The following SLC36A2 variants were observed in gnomAD, a reference collection of about 807,000 sequenced individuals.
SLC36A2 encodes the protein proton-coupled amino acid transporter 2.
SLC36A2 carries 39 observed loss-of-function variants against 42.7 expected under a neutral mutation model. The ratio of observed to expected loss-of-function variants is 0.91; its 90% CI spans 0.71 to 1.19. The LOEUF (loss-of-function observed/expected upper bound fraction) is 1.19. SLC36A2 is among the 50% of genes most tolerant of loss of function. The pLI is 0.00. For synonymous variants in SLC36A2, 237 were observed against 240.8 expected, an observed-to-expected ratio of 0.98 and a Z score of 0.15; for missense variants, 590 against 613.7, an observed-to-expected ratio of 0.96 and a Z score of 0.41.
chr5:151,316,676 G>A lies in SLC36A2; in HGVS notation c.*141C>T. 9.1e-7 allele frequency: 1 copy of A among 1,092,980 alleles called. No homozygotes were observed. Among genetic ancestry groups the A allele is most frequent in the South Asian group, 1.6e-5 (1 of 62,834 alleles). The allele number at this position is 1,092,980 out of a possible 1,614,324, so 67.7% of individuals were successfully genotyped here. On this transcript the variant is annotated 3_prime_UTR_variant, in exon 10 of 10. Coordinates refer to ENST00000335244, the MANE Select transcript of SLC36A2 (RefSeq NM_181776.3). ...AATCGCTTGAACCCAGGAGGCCGAA[G>A]TTGTGGTGAGCTGAGATCGCATCAT...
chr5:151,329,433 A>G (rs1176977294), intron 7 of SLC36A2, among the ~76,000 whole-genome samples: 3 of 152,206 alleles, frequency 2.0e-5, no homozygotes, highest in Non-Finnish European at 2.9e-5. Context: ...AACCAGAAAA[A>G]TCTCATCAAC....
rs770445329 is a variant in SLC36A2 at position 151,336,224 on chromosome 5, G to T, written c.526-677C>A. On this transcript the variant is annotated intron_variant, in intron 5 of 9. Transcript: ENST00000335244. ...GCTAGGGGATTAGCCTTTGACTCAAGCTGGGGCATTCAGACCCTCTTCCAG... is the reference window on the plus strand; with the variant it reads ...GCTAGGGGATTAGCCTTTGACTCAATCTGGGGCATTCAGACCCTCTTCCAG... Among the ~76,000 whole-genome samples the T allele has an allele frequency of 5.9e-4, 90 of 152,242 alleles. No homozygotes were observed. In the Middle Eastern group the frequency reaches 0.014, roughly 23 times the overall value.
chr5:151,344,115 C>T (rs1756425928), intron 2 of SLC36A2, 62 bp downstream of exon 2: 15 of 1,491,786 alleles, frequency 1.0e-5, no homozygotes, highest in Non-Finnish European at 1.4e-5. Flanking sequence ...CCGCTAGAGC[C>T]TCTCCTCTTA....
At chr5:151,317,267 C>A (rs1206164647) in intron 9 of SLC36A2, among the ~76,000 whole-genome samples, 179 bp from the exon 10 acceptor site, 1 of 152,046 alleles carries the variant, frequency 6.6e-6, no homozygotes, top group African/African-American at 2.4e-5. Flanking sequence ...GCCTGTCCAA[C>A]ATAGTGAAAT....
At position 151,347,527 on chromosome 5, in the gene SLC36A2, G is replaced by A; in HGVS notation, c.-67C>T. 3.1e-6 allele frequency: 5 copies of A among 1,591,508 alleles called. No individual in the cohort carries two copies. In the South Asian group the frequency reaches 3.3e-5, roughly 11 times the overall value. On this transcript the variant is annotated 5_prime_UTR_variant, in exon 1 of 10. Coordinates refer to ENST00000335244, the MANE Select transcript of SLC36A2 (RefSeq NM_181776.3). ...TGCTCTGGAAGGAGGGAAGCAGGAA[G>A]GTGTCTAGTGTAGATGTACACCCCA...
chr5:151,318,820 A>G (rs1308954167), intron 9 of SLC36A2, among the ~76,000 whole-genome samples: 1 of 152,096 alleles, frequency 6.6e-6, no homozygotes, highest in African/African-American at 2.4e-5. Flanking sequence ...CCTAACAAAG[A>G]AACACGAAAA....
At position 151,316,333 on chromosome 5, in the gene SLC36A2, A is replaced by C. The variant is rs1755490098; in HGVS notation, c.*484T>G. 2 of 166,410 alleles carry C rather than the reference A, an allele frequency of 1.2e-5. No homozygotes were observed. Among genetic ancestry groups the C allele is most frequent in the South Asian group, 2.9e-4 (2 of 6,838 alleles). 10.3% of individuals were successfully genotyped at this position (166,410 alleles called of 1,614,324 possible). ...GAATGCCAGAGGTATGAAAAGAAGA[A>C]GTAATAAACAAAACAAAAATGTAAA... On this transcript the variant is annotated 3_prime_UTR_variant, in exon 10 of 10. Transcript: ENST00000335244.
At chr5:151,318,775 G>A (rs780700890) in intron 9 of SLC36A2, among the ~76,000 whole-genome samples, 4 of 151,928 alleles carry the variant, frequency 2.6e-5, no homozygotes, top group Non-Finnish European at 4.4e-5. Flanking sequence ...TTAAAGAAGT[G>A]TCTTCTCCAG....
chr5:151,323,138 G>A (rs1229222855), intron 8 of SLC36A2, among the ~76,000 whole-genome samples: 3 of 152,164 alleles, frequency 2.0e-5, no homozygotes, highest in Admixed American at 6.5e-5. Flanking sequence ...GGGAGGCTGA[G>A]GCAGGAGAAT....
chr5:151,323,210 G>T (rs1386824452), intron 8 of SLC36A2, among the ~76,000 whole-genome samples: 1 of 152,032 alleles, frequency 6.6e-6, no homozygotes, highest in African/African-American at 2.4e-5. Context: ...ACTCTAGCCT[G>T]GGCGACAGAG....
chr5:151,337,636 A>G (rs1025996346), intron 5 of SLC36A2, among the ~76,000 whole-genome samples: 2 of 152,186 alleles, frequency 1.3e-5, no homozygotes, highest in Non-Finnish European at 2.9e-5. Context: ...AAAACAATCA[A>G]ACTCTTTGAC....
At chr5:151,332,392 G>T (rs1356429388) in intron 7 of SLC36A2, 3 of 455,286 alleles carry the variant, frequency 6.6e-6, no homozygotes, top group Non-Finnish European at 1.3e-5. Context: ...CAAATGAAAA[G>T]ATGTTCAATG....
chr5:151,333,388 G>A (rs1756051982), intron 6 of SLC36A2, 66 bp from the exon 7 acceptor site: 9 of 1,369,290 alleles, frequency 6.6e-6, no homozygotes, highest in Non-Finnish European at 8.3e-6. Flanking sequence ...TTTAAGAGAA[G>A]GGTACTCTGA....
In SLC36A2 at chr5:151,339,055, T is replaced by C; in HGVS notation, c.525+5A>G. 1.9e-6 allele frequency: 3 copies of C among 1,605,758 alleles called. No individual in the cohort carries two copies. The highest frequency in any genetic ancestry group is 2.6e-6 in the Non-Finnish European group (3 of 1,173,796). ...TCCCCTCCCGTTTTCTCTAGAAGCCTCTACCTGTTTTAAATTATCAGCCAA... is the reference window on the plus strand; with the variant it reads ...TCCCCTCCCGTTTTCTCTAGAAGCCCCTACCTGTTTTAAATTATCAGCCAA... On this transcript the variant is annotated splice_donor_5th_base_variant and intron_variant, in intron 5 of 9. Coordinates refer to ENST00000335244, the MANE Select transcript of SLC36A2 (RefSeq NM_181776.3).
At chr5:151,318,732 A>C (rs890930195) in intron 9 of SLC36A2, among the ~76,000 whole-genome samples, 2 of 151,726 alleles carry the variant, frequency 1.3e-5, no homozygotes. Flanking sequence ...ATACAAAGAG[A>C]TCTTCAGTTG....
At position 151,331,062 on chromosome 5, in the gene SLC36A2, C is replaced by T. The variant is rs1755982030; in HGVS notation, c.843+2162G>A. Among the ~76,000 whole-genome samples, 3 of 152,210 alleles carry T rather than the reference C, an allele frequency of 2.0e-5. No homozygotes were observed. In the South Asian group the frequency reaches 6.2e-4, roughly 32 times the overall value. ...ACATCAATGGTCAGTTGATTTTTGA[C>T]AAGAGTGTCAAAACTATACAATATG... On this transcript the variant is annotated intron_variant, in intron 7 of 9. Coordinates refer to ENST00000335244, the MANE Select transcript of SLC36A2 (RefSeq NM_181776.3).
At chr5:151,346,679 G>A (rs1012969600) in intron 1 of SLC36A2, among the ~76,000 whole-genome samples, 7 of 152,174 alleles carry the variant, frequency 4.6e-5, no homozygotes, top group Non-Finnish European at 1.0e-4. Context: ...TGTGGGGAAG[G>A]GAGCTGCAGC....
Position 151,347,542 on chromosome 5 carries a change from T to G in SLC36A2, c.-82A>C. 1 of 1,549,800 alleles carries G rather than the reference T, an allele frequency of 6.5e-7. No homozygotes were observed. Among genetic ancestry groups the G allele is most frequent in the Non-Finnish European group, 8.9e-7 (1 of 1,128,912 alleles). ...GAAGCAGGAAGGTGTCTAGTGTAGA[T>G]GTACACCCCAGCACAGTGGTGTGTG... On this transcript the variant is annotated 5_prime_UTR_variant, in exon 1 of 10. Coordinates refer to ENST00000335244, the MANE Select transcript of SLC36A2 (RefSeq NM_181776.3).
intron 7 of SLC36A2, among the ~76,000 whole-genome samples, chr5:151,330,653 A>G (rs898074753): frequency 2.0e-5 from 3 of 152,210 alleles, no homozygotes; most frequent in Non-Finnish European, 2.9e-5. Context: ...ATAATAGCCT[A>G]TTTTTTCCCT....
Sources: allele counts gnomAD v4.1 joint callset (sites outside exome capture counted in the v4.1 genomes callset), GRCh38; gene constraint gnomAD v4.1.1; transcripts MANE v1.5; gene names NCBI Gene and HGNC (gene_info 2026-07-23, HGNC 2026-07-21).